The following RSPH9 variants were observed in gnomAD, a reference collection of about 807,000 sequenced individuals.
RSPH9 encodes radial spoke head component 9.
A neutral mutation model predicts 27.0 loss-of-function variants in RSPH9; 27 were observed. The ratio of observed to expected loss-of-function variants is 1.00; its 90% CI spans 0.74 to 1.38. RSPH9 has a LOEUF of 1.38. Ranked by LOEUF, RSPH9 falls within the 40% of genes most tolerant of loss-of-function variation. The pLI is 0.00. For missense variants in RSPH9, 347 were observed against 357.4 expected (o/e 0.97, Z 0.24); for synonymous variants, 145 against 147.7 (o/e 0.98, Z 0.13).
chr6:43,651,422 C>T (rs1318193933), intron 2 of RSPH9, among the ~76,000 whole-genome samples: 3 of 152,090 alleles, frequency 2.0e-5, no homozygotes, highest in Non-Finnish European at 4.4e-5. Flanking sequence ...TTTCATTTCA[C>T]AAAATAATAA....
At chr6:43,664,899 G>A (rs894691366) in intron 4 of RSPH9, among the ~76,000 whole-genome samples, 11 of 152,224 alleles carry the variant, frequency 7.2e-5, no homozygotes, top group South Asian at 2.1e-4. Context: ...CTGGAACGGC[G>A]GTGGTGATGG....
chr6:43,650,608 T>G, intron 2 of RSPH9, 68 bp downstream of exon 2: 2 of 1,575,186 alleles, frequency 1.3e-6, no homozygotes, highest in Middle Eastern at 1.9e-4. Flanking sequence ...CCCAGCCTAA[T>G]AGAAATTATG....
intron 2 of RSPH9, among the ~76,000 whole-genome samples, chr6:43,653,008 T>C (rs1321549397): frequency 6.6e-6 from 1 of 151,454 alleles, no homozygotes; most frequent in Admixed American, 6.6e-5. Flanking sequence ...TTTGTAGAGA[T>C]GGGGTCTTGC....
At chr6:43,670,465 T>C (rs1773593546) in intron 4 of RSPH9, among the ~76,000 whole-genome samples, 1 of 152,150 alleles carries the variant, frequency 6.6e-6, no homozygotes, top group South Asian at 2.1e-4. Flanking sequence ...TAGCTGGGTA[T>C]GGTGGTGCAT....
At chr6:43,666,816 C>T (rs1220520603) in intron 4 of RSPH9, among the ~76,000 whole-genome samples, 1 of 152,192 alleles carries the variant, frequency 6.6e-6, no homozygotes, top group East Asian at 1.9e-4. Context: ...GCTGGAACCT[C>T]AGCTCATTAC....
intron 2 of RSPH9, among the ~76,000 whole-genome samples, chr6:43,651,353 C>G (rs1470885904): frequency 6.6e-6 from 1 of 152,086 alleles, no homozygotes; most frequent in African/African-American, 2.4e-5. Flanking sequence ...AGAGGGGGTG[C>G]TCTGTGCTGT....
chr6:43,666,344 C>A, intron 4 of RSPH9: 1 of 1,152,740 alleles, frequency 8.7e-7, no homozygotes, highest in Non-Finnish European at 1.3e-6. Context: ...AGGAAGAGTT[C>A]CCTGGGACAC....
rs760134926 is a variant in RSPH9, at chr6:43,650,477, A to G, written c.330A>G (p.Glu110=). The G allele has an allele frequency of 8.7e-6, 14 of 1,614,188 alleles. No individual in the cohort carries two copies. Among genetic ancestry groups the G allele is most frequent in the Non-Finnish European group, 1.0e-5 (12 of 1,180,050 alleles). Residue 110 remains glutamate, a synonymous_variant, in exon 2 of 5, where the codon GAA becomes GAG. Transcript: ENST00000372163. ...GCTTCATGGGGGACCCATCATACGAATATGAACACACTGAGCTGCAGAAGG... is the reference window on the plus strand; with the variant it reads ...GCTTCATGGGGGACCCATCATACGAGTATGAACACACTGAGCTGCAGAAGG... ...KGRFMGDPSY[E]YEHTELQKVN...
At position 43,670,941 on chromosome 6, in the gene RSPH9, A is replaced by G. The variant is rs754119439; in HGVS notation, c.823A>G (p.Met275Val). The change falls in exon 5 of 5, where the codon ATG becomes GTG. Residue 275 changes from methionine to valine, a missense_variant. Transcript: ENST00000372163. ...CGAGAAGAACATGGACTTGCCCTTCATGCTATAGAATGGGAGCCAGCCTGG... is the reference window on the plus strand; with the variant it reads ...CGAGAAGAACATGGACTTGCCCTTCGTGCTATAGAATGGGAGCCAGCCTGG... Reference protein sequence around the residue: ...TGEKNMDLPFML With the variant: ...TGEKNMDLPFVL 4.3e-6 allele frequency: 7 copies of G among 1,614,158 alleles called. No individual in the cohort carries two copies. Among genetic ancestry groups the G allele is most frequent in the Non-Finnish European group, 5.9e-6 (7 of 1,180,024 alleles).
chr6:43,653,549 G>A (rs1372794178), intron 2 of RSPH9, among the ~76,000 whole-genome samples: 3 of 151,896 alleles, frequency 2.0e-5, no homozygotes, highest in Non-Finnish European at 4.4e-5. Context: ...AACAAGTAAG[G>A]AGCCTATGTT....
At chr6:43,664,223 G>GATT (rs1772913514) in intron 4 of RSPH9, among the ~76,000 whole-genome samples, 2 of 151,584 alleles carry the variant, frequency 1.3e-5, no homozygotes, top group South Asian at 4.2e-4. Context: ...TGATGATGAT[G>GATT]ATGATTATTT....
chr6:43,664,229 T>G (rs186894849), intron 4 of RSPH9, among the ~76,000 whole-genome samples: 66 of 151,738 alleles, frequency 4.3e-4, no homozygotes, highest in South Asian at 3.1e-3. Flanking sequence ...TGATGATGAT[T>G]ATTTTGAGAC....
intron 1 of RSPH9, among the ~76,000 whole-genome samples, chr6:43,649,347 G>A (rs1442240742): frequency 1.3e-5 from 2 of 151,690 alleles, no homozygotes; most frequent in African/African-American, 4.8e-5. Context: ...CCGCCACCAA[G>A]CCCAGCTAAT....
intron 2 of RSPH9, among the ~76,000 whole-genome samples, chr6:43,654,313 T>C (rs983469564): frequency 6.6e-6 from 1 of 152,166 alleles, no homozygotes; most frequent in African/African-American, 2.4e-5. Flanking sequence ...GGGTATGATA[T>C]GGGGAAATGC....
chr6:43,650,593 C>A, intron 2 of RSPH9, 53 bp downstream of exon 2: 1 of 1,593,688 alleles, frequency 6.3e-7, no homozygotes, highest in Admixed American at 1.7e-5. Flanking sequence ...TGGGCTCATC[C>A]AAAACCCAGC....
intron 4 of RSPH9, among the ~76,000 whole-genome samples, chr6:43,662,441 A>G (rs963857548): frequency 1.3e-5 from 2 of 149,972 alleles, no homozygotes; most frequent in Non-Finnish European, 3.0e-5. Flanking sequence ...ATCTCGGCTC[A>G]CTGCAAGCTC....
At chr6:43,658,403 C>T (rs537760949) in intron 4 of RSPH9, among the ~76,000 whole-genome samples, 2 of 151,218 alleles carry the variant, frequency 1.3e-5, no homozygotes, top group East Asian at 3.9e-4. Flanking sequence ...TAAAGTGAGT[C>T]ACACATTTTT....
intron 4 of RSPH9, among the ~76,000 whole-genome samples, chr6:43,664,261 G>A (rs2127925313): frequency 6.6e-6 from 1 of 152,214 alleles, no homozygotes; most frequent in South Asian, 2.1e-4. Context: ...ATTTGAGACG[G>A]AGTTTCTCGC....
chr6:43,646,903 C>G (rs537986425), intron 1 of RSPH9, among the ~76,000 whole-genome samples: 1 of 150,072 alleles, frequency 6.7e-6, no homozygotes, highest in African/African-American at 2.4e-5. Flanking sequence ...TTGCAGTGAG[C>G]TGGCATCATG....
Sources: gnomAD v4.1 joint callset for allele counts (sites outside exome capture counted in the v4.1 genomes callset) on GRCh38, gnomAD v4.1.1 for gene constraint, MANE v1.5 for transcripts, NCBI Gene and HGNC (gene_info 2026-07-23, HGNC 2026-07-21) for gene names.